Variants in MACC1 observed in about 807,000 individuals in gnomAD.
The protein encoded by MACC1 is metastasis-associated in colon cancer protein 1.
Under a neutral mutation model 70.7 loss-of-function variants are expected in MACC1, and 79 were observed. The observed-to-expected ratio is 1.12, with a 90% CI of 0.93 to 1.35. The LOEUF is 1.35. Among genes scored for constraint, MACC1 ranks in the 40% most tolerant of loss-of-function variants. The probability of loss-of-function intolerance (pLI) is 0.00; values close to 1 mark genes in which losing one functional copy is unlikely to be tolerated. For missense variants in MACC1, 1,106 were observed against 978.1 expected, an observed-to-expected ratio of 1.13 and a Z score of -1.74; for synonymous variants, 361 against 347.2, an observed-to-expected ratio of 1.04 and a Z score of -0.44.
chr7:20,159,347 G>A lies in MACC1; in HGVS notation c.1014C>T (p.Ile338=), dbSNP rs535443647. Residue 338 remains isoleucine (I), a synonymous_variant, in exon 5 of 7, where the codon ATC becomes ATT. Coordinates refer to ENST00000400331, the MANE Select transcript of MACC1 (RefSeq NM_182762.4). The part of the protein sequence containing the change: ...IYKDTIQVKL[I]DLSQVMYLVV... Reference sequence around the variant, plus strand: ...CTAGATACATTACCTGACTCAAGTCGATTAGCTTGACTTGGATGGTGTCTT... The same window carrying A: ...CTAGATACATTACCTGACTCAAGTCAATTAGCTTGACTTGGATGGTGTCTT... 20 of 1,614,034 alleles carry A rather than the reference G, an allele frequency of 1.2e-5. No homozygotes were observed. In the South Asian group the frequency reaches 2.1e-4, roughly 17 times the overall value.
chr7:20,154,137 T>C, intron 6 of MACC1, 56 bp downstream of exon 6: 5 of 1,575,464 alleles, frequency 3.2e-6, no homozygotes, highest in Non-Finnish European at 3.5e-6. Context: ...TTGATTACAT[T>C]AGTGTTACTT....
In MACC1 at chr7:20,138,179, A is replaced by AAAAAAAAAAAAC. The variant is rs1562576802; in HGVS notation, c.*2766_*2767insGTTTTTTTTTTT. The AAAAAAAAAAAAC allele has an allele frequency of 1.4e-5, 2 of 139,362 alleles. No homozygotes were observed. The highest frequency in any genetic ancestry group is 7.0e-5 in the Admixed American group (1 of 14,272). The allele number at this position is 139,362 out of a possible 1,614,324, so 8.6% of individuals were successfully genotyped here. On this transcript the variant is annotated 3_prime_UTR_variant, in exon 7 of 7. Transcript: ENST00000400331. ...AAAAAAAAAAAAAAAAAAAAAAAAAAAAATTTCCCCTGGAAGGATTTGTTA... is the reference window on the plus strand; with the variant it reads ...AAAAAAAAAAAAAAAAAAAAAAAAAAAAAAAAAAAAACAAATTTCCCCTGGAAGGATTTGTTA...
intron 6 of MACC1, among the ~76,000 whole-genome samples, chr7:20,148,065 C>A (rs61603757): frequency 0.32 from 49,001 of 151,994 alleles, 8,726 homozygotes; most frequent in East Asian, 0.78. Flanking sequence ...CTGGATTTAG[C>A]GGCACACATC....
At chr7:20,186,795 T>C (rs1782595282) in intron 1 of MACC1, among the ~76,000 whole-genome samples, 1 of 152,180 alleles carries the variant, frequency 6.6e-6, no homozygotes, top group Non-Finnish European at 1.5e-5. Context: ...ATAAATAACC[T>C]GTAATGTAGA....
rs182105812 is a variant in MACC1 at position 20,171,549 on chromosome 7, C to A, written c.-217-771G>T. 4.0e-5 allele frequency among the ~76,000 whole-genome samples: 6 copies of A among 150,810 alleles called. No individual in the cohort carries two copies. In the East Asian group the frequency reaches 9.8e-4, roughly 25 times the overall value. On this transcript the variant is annotated intron_variant, in intron 1 of 6. Transcript: ENST00000400331. ...GATTACAGGCATGAGCCACCACGCCCGGCTGATTATTTTCTTTCTTAGAGA... is the reference window on the plus strand; with the variant it reads ...GATTACAGGCATGAGCCACCACGCCAGGCTGATTATTTTCTTTCTTAGAGA...
At position 20,158,670 on chromosome 7, in the gene MACC1, C is replaced by T. The variant is rs1782091654; in HGVS notation, c.1691G>A (p.Ser564Asn). 1 of 1,613,794 alleles carries T rather than the reference C, an allele frequency of 6.2e-7. No individual in the cohort carries two copies. The highest frequency in any genetic ancestry group is 1.1e-5 in the South Asian group (1 of 91,078). Residue 564 changes from serine (S) to asparagine (N), a missense_variant, in exon 5 of 7, where the codon AGC becomes AAC. Coordinates refer to ENST00000400331, the MANE Select transcript of MACC1 (RefSeq NM_182762.4). ...GVTLKAVLRQSKIDYFLEYFK... is the reference protein window; with the variant it reads ...GVTLKAVLRQNKIDYFLEYFK... ...ATATTCAAGGAAGTAATCAATCTTG[C>T]TTTGTCTTAGCACTGCCTTCAGGGT...
Position 20,140,902 on chromosome 7 carries a change from C to CA in MACC1, c.*43_*44insT, listed in dbSNP as rs397690486. The CA allele has an allele frequency of 2.7e-6, 4 of 1,461,830 alleles. No homozygotes were observed. The highest frequency in any genetic ancestry group is 2.3e-5 in the East Asian group (1 of 44,020). 90.6% of individuals were successfully genotyped at this position (1,461,830 alleles called of 1,614,324 possible). A position where few individuals can be genotyped will look rare whatever the true frequency, so the allele number is the denominator to read the frequency against. ...ACACACAGACACACACACACACACACCATTACCTCATTTTCCCTCCCATCA... is the reference window on the plus strand; with the variant it reads ...ACACACAGACACACACACACACACACACATTACCTCATTTTCCCTCCCATCA... On this transcript the variant is annotated 3_prime_UTR_variant, in exon 7 of 7. Transcript: ENST00000400331.
At chr7:20,207,281 C>G (rs1157522536) in intron 1 of MACC1, among the ~76,000 whole-genome samples, 1 of 151,768 alleles carries the variant, frequency 6.6e-6, no homozygotes, top group Non-Finnish European at 1.5e-5. Context: ...GCTGGGATTA[C>G]AGGCATGTGC....
chr7:20,145,888 G>A (rs1781882703), intron 6 of MACC1, among the ~76,000 whole-genome samples: 1 of 152,138 alleles, frequency 6.6e-6, no homozygotes, highest in Non-Finnish European at 1.5e-5. Context: ...GGCTGGGGGT[G>A]GTGGCTCACG....
intron 1 of MACC1, among the ~76,000 whole-genome samples, chr7:20,195,954 A>T (rs2128107642): frequency 6.6e-6 from 1 of 152,170 alleles, no homozygotes; most frequent in East Asian, 1.9e-4. Flanking sequence ...TGTGATCTCT[A>T]TTTTAACATT....
chr7:20,216,409 A>G (rs777617002), intron 1 of MACC1, among the ~76,000 whole-genome samples: 8 of 152,098 alleles, frequency 5.3e-5, no homozygotes, highest in Non-Finnish European at 1.0e-4. Context: ...TACAAATTTT[A>G]AGTTCAATAG....
At position 20,158,747 on chromosome 7, in the gene MACC1, A is replaced by G. The variant is rs1782092866; in HGVS notation, c.1614T>C (p.Val538=). ...KSAPLSPKIL[V]KYPTFQDKTL... Reference sequence around the variant, plus strand: ...TTTTATCTTGAAATGTAGGATATTTAACAAGAATTTTTGGTGATAAAGGAG... The same window carrying G: ...TTTTATCTTGAAATGTAGGATATTTGACAAGAATTTTTGGTGATAAAGGAG... The change falls in exon 5 of 7, where the codon GTT becomes GTC. Residue 538 remains valine (V), a synonymous_variant. Coordinates refer to ENST00000400331, the MANE Select transcript of MACC1 (RefSeq NM_182762.4). The G allele has an allele frequency of 1.2e-6, 2 of 1,613,868 alleles. No individual in the cohort carries two copies.
At chr7:20,166,729 A>G (rs893661762) in intron 2 of MACC1, among the ~76,000 whole-genome samples, 2 of 152,230 alleles carry the variant, frequency 1.3e-5, no homozygotes, top group Non-Finnish European at 2.9e-5. Context: ...GATACCTCCA[A>G]CCCTGGGAAC....
chr7:20,184,466 T>C (rs975399341), intron 1 of MACC1, among the ~76,000 whole-genome samples: 9 of 152,216 alleles, frequency 5.9e-5, no homozygotes, highest in Admixed American at 4.6e-4. Context: ...AAACTCCTTT[T>C]TTCTTTCTCA....
At chr7:20,206,965 G>A (rs540898098) in intron 1 of MACC1, among the ~76,000 whole-genome samples, 172 of 152,174 alleles carry the variant, frequency 1.1e-3, no homozygotes, top group African/African-American at 3.9e-3. Flanking sequence ...CTTCTGCCAC[G>A]TTCCATTAGT....
intron 1 of MACC1, among the ~76,000 whole-genome samples, chr7:20,192,255 A>G (rs1341948837): frequency 2.0e-5 from 3 of 152,242 alleles, no homozygotes; most frequent in Non-Finnish European, 4.4e-5. Flanking sequence ...AAGGAAAAAG[A>G]AGAAAACAAT....
At chr7:20,153,695 A>G (rs1782013461) in intron 6 of MACC1, among the ~76,000 whole-genome samples, 1 of 152,210 alleles carries the variant, frequency 6.6e-6, no homozygotes, top group Non-Finnish European at 1.5e-5. Context: ...TGAAGGAGAT[A>G]ATGAAGCTCT....
chr7:20,176,566 C>T (rs755066965), intron 1 of MACC1, among the ~76,000 whole-genome samples: 1 of 152,168 alleles, frequency 6.6e-6, no homozygotes, highest in Non-Finnish European at 1.5e-5. Context: ...GCCCAGCAAT[C>T]ACCCTGGATG....
Position 20,154,368 on chromosome 7 carries a change from A to G in MACC1, c.2171T>C (p.Met724Thr). ...LYELIVALLK[M>T]DCQELVARLI... The stretch of plus-strand genomic sequence containing the variant: ...ACGTGCGACTAACTCTTGGCAATCC[A>G]TTTTCAGAAGAGCCTGCAGCAACAA... The change falls in exon 6 of 7, where the codon ATG (methionine) becomes ACG (threonine). Residue 724 changes from methionine (M) to threonine (T), a missense_variant. Physicochemically the swap from Met to Thr is moderately conservative, Grantham distance 81 (BLOSUM62 -1). Transcript: ENST00000400331. 1 of 1,613,120 alleles carries G rather than the reference A, an allele frequency of 6.2e-7. No individual in the cohort carries two copies. Among genetic ancestry groups the G allele is most frequent in the Non-Finnish European group, 8.5e-7 (1 of 1,179,410 alleles).
Sources: allele counts gnomAD v4.1 joint callset (sites outside exome capture counted in the v4.1 genomes callset), GRCh38; gene constraint gnomAD v4.1.1; transcripts MANE v1.5; gene names NCBI Gene and HGNC (gene_info 2026-07-23, HGNC 2026-07-21).